The following SIPA1L1 variants were observed in gnomAD, a reference collection of about 807,000 sequenced individuals.
The protein encoded by SIPA1L1 is signal induced proliferation associated 1 like 1.
SIPA1L1 carries 26 observed loss-of-function variants against 162.7 expected under a neutral mutation model. That is an observed-to-expected ratio of 0.16 (90% CI 0.12 to 0.22). The LOEUF (loss-of-function observed/expected upper bound fraction) is 0.22, where lower values mean the gene tolerates loss of function less well. Ranked by LOEUF, SIPA1L1 falls within the 10% of genes least tolerant of loss-of-function variation. The pLI is 1.00. For missense variants in SIPA1L1, 1,874 were observed against 2,241.0 expected (o/e 0.84, Z 3.31); for synonymous variants, 829 against 837.4 (o/e 0.99, Z 0.17).
intron 2 of SIPA1L1, among the ~76,000 whole-genome samples, chr14:71,344,162 A>G (rs768270690): frequency 1.3e-5 from 2 of 152,158 alleles, no homozygotes; most frequent in Non-Finnish European, 2.9e-5. Flanking sequence ...TCATTTTTGT[A>G]GTTCAGATTT....
chr14:71,636,617 G>GCTCAT (rs2041175069), intron 7 of SIPA1L1, among the ~76,000 whole-genome samples: 4 of 152,232 alleles, frequency 2.6e-5, no homozygotes, highest in South Asian at 4.1e-4. Context: ...AGTAATCTAA[G>GCTCAT]CTCATAACCT....
intron 10 of SIPA1L1, among the ~76,000 whole-genome samples, chr14:71,670,721 T>A (rs1225799946): frequency 6.6e-6 from 1 of 152,238 alleles, no homozygotes; most frequent in East Asian, 1.9e-4. Context: ...ACAGAATGTA[T>A]GCTTGTTCTG....
chr14:71,472,539 A>G (rs988019489), intron 2 of SIPA1L1, among the ~76,000 whole-genome samples: 2 of 152,064 alleles, frequency 1.3e-5, no homozygotes, highest in African/African-American at 4.8e-5. Context: ...GAAAGTTGTC[A>G]TGATGCTTTT....
At chr14:71,543,935 G>A (rs1282630971) in intron 4 of SIPA1L1, among the ~76,000 whole-genome samples, 20 of 138,236 alleles carry the variant, frequency 1.4e-4, no homozygotes, top group East Asian at 2.3e-4. Flanking sequence ...ACGTATATGT[G>A]TGTATATATA....
chr14:71,399,317 G>C (rs899528972), intron 2 of SIPA1L1, among the ~76,000 whole-genome samples: 1 of 152,290 alleles, frequency 6.6e-6, no homozygotes, highest in African/African-American at 2.4e-5. Flanking sequence ...CAGTTTCCAC[G>C]TAGTGTCTTT....
At chr14:71,508,131 A>C (rs2144133570) in intron 2 of SIPA1L1, among the ~76,000 whole-genome samples, 1 of 152,298 alleles carries the variant, frequency 6.6e-6, no homozygotes, top group East Asian at 1.9e-4. Context: ...GTGGCCTCAA[A>C]GCTATCAGAT....
intron 7 of SIPA1L1, among the ~76,000 whole-genome samples, chr14:71,642,980 CAAAA>C (rs1192517490): frequency 7.0e-5 from 10 of 142,618 alleles, no homozygotes; most frequent in African/African-American, 1.8e-4. Flanking sequence ...AAAAAAAAAA[CAAAA>C]AACCCAACAT....
chr14:71,495,630 T>C (rs966917991), intron 2 of SIPA1L1, among the ~76,000 whole-genome samples: 1 of 151,420 alleles, frequency 6.6e-6, no homozygotes, highest in African/African-American at 2.4e-5. Context: ...TTCAGTTTCA[T>C]TGGGTTTTGC....
At chr14:71,691,953 A>G (rs1282157797) in intron 13 of SIPA1L1, among the ~76,000 whole-genome samples, 2 of 152,200 alleles carry the variant, frequency 1.3e-5, no homozygotes, top group East Asian at 1.9e-4. Context: ...TGTCTTATTC[A>G]TCTTTGTATT....
At chr14:71,464,993 TGCCTCAG>T (rs1020016860) in intron 2 of SIPA1L1, among the ~76,000 whole-genome samples, 6 of 152,194 alleles carry the variant, frequency 3.9e-5, no homozygotes, top group African/African-American at 1.4e-4. Flanking sequence ...CTATCACTGT[TGCCTCAG>T]GCCACTCAGG....
At chr14:71,707,029 C>T (rs1013318351) in intron 16 of SIPA1L1, among the ~76,000 whole-genome samples, 17 of 140,290 alleles carry the variant, frequency 1.2e-4, no homozygotes, top group South Asian at 4.5e-4. Context: ...ATCAAGACTC[C>T]GTCAAAAAAA....
At chr14:71,691,273 G>A (rs2081234399) in intron 13 of SIPA1L1, among the ~76,000 whole-genome samples, 1 of 152,164 alleles carries the variant, frequency 6.6e-6, no homozygotes, top group South Asian at 2.1e-4. Flanking sequence ...ACAGCCTTCA[G>A]GATCAAGTCC....
At chr14:71,658,017 G>A (rs1234398868) in intron 8 of SIPA1L1, among the ~76,000 whole-genome samples, 1 of 152,068 alleles carries the variant, frequency 6.6e-6, no homozygotes, top group African/African-American at 2.4e-5. Flanking sequence ...GCTAAATCTT[G>A]TTATATAAAT....
At chr14:71,511,054 T>C (rs1200304009) in intron 2 of SIPA1L1, among the ~76,000 whole-genome samples, 1 of 152,238 alleles carries the variant, frequency 6.6e-6, no homozygotes, top group Non-Finnish European at 1.5e-5. Context: ...TCATTATGTA[T>C]GATCTTTCAG....
At chr14:71,679,357 T>A (rs1430145834) in intron 12 of SIPA1L1, among the ~76,000 whole-genome samples, 1 of 152,118 alleles carries the variant, frequency 6.6e-6, no homozygotes, top group African/African-American at 2.4e-5. Context: ...GAAGGAGAAA[T>A]AAAATCCTTT....
At chr14:71,631,241 C>G (rs1490922025) in intron 7 of SIPA1L1, among the ~76,000 whole-genome samples, 1 of 152,110 alleles carries the variant, frequency 6.6e-6, no homozygotes, top group African/African-American at 2.4e-5. Flanking sequence ...TGCATTTCAC[C>G]CCTTTCTTAT....
At chr14:71,400,741 T>C (rs185042241) in intron 2 of SIPA1L1, 1 of 152,278 alleles carries the variant, frequency 6.6e-6, no homozygotes, top group Non-Finnish European at 1.5e-5. Context: ...TAAGGAATAA[T>C]ATAATGCCTT....
chr14:71,630,120 C>T (rs2040423377), intron 7 of SIPA1L1, among the ~76,000 whole-genome samples: 1 of 152,176 alleles, frequency 6.6e-6, no homozygotes, highest in Admixed American at 6.5e-5. Context: ...GAATTTTAAT[C>T]GTCTCTTAGA....
chr14:71,437,268 C>T (rs564910629), intron 2 of SIPA1L1, among the ~76,000 whole-genome samples: 2 of 152,042 alleles, frequency 1.3e-5, no homozygotes, highest in South Asian at 4.2e-4. Context: ...AATCTTAGCA[C>T]TTTTGGAGGC....
Sources: allele counts gnomAD v4.1 joint callset (sites outside exome capture counted in the v4.1 genomes callset), GRCh38; gene constraint gnomAD v4.1.1; transcripts MANE v1.5; gene names NCBI Gene and HGNC (gene_info 2026-07-23, HGNC 2026-07-21).